PHLDB2: variants seen among roughly 807,000 people sequenced by gnomAD.
PHLDB2 encodes pleckstrin homology like domain family B member 2.
A neutral mutation model predicts 123.6 loss-of-function variants in PHLDB2; 71 were observed. The observed-to-expected ratio is 0.57, with a 90% CI of 0.47 to 0.70. The LOEUF is 0.70. PHLDB2 is among the 30% of genes least tolerant of loss of function. The pLI is 0.00. For missense variants in PHLDB2, 1,446 were observed against 1,519.5 expected (o/e 0.95, Z 0.80); for synonymous variants, 547 against 541.6 (o/e 1.01, Z -0.14).
At position 111,948,964 on chromosome 3, in the gene PHLDB2, G is replaced by A. The variant is rs369065786; in HGVS notation, c.2520G>A (p.Pro840=). 167 of 1,613,820 alleles carry A rather than the reference G, an allele frequency of 1.0e-4. No individual in the cohort carries two copies. Among genetic ancestry groups the A allele is most frequent in the African/African-American group, 1.6e-4 (12 of 74,890 alleles). Residue 840 remains proline, a synonymous_variant, in exon 10 of 18, where the codon CCG becomes CCA. Coordinates refer to ENST00000431670, the MANE Select transcript of PHLDB2 (RefSeq NM_001134438.2). ...GYISVNEINE[P]CGNSTNLSPS... is the part of the protein sequence containing the mutation. Reference sequence around the variant, plus strand: ...TCAGTGTAAATGAGATTAATGAGCCGTGTGGCAATTCCACGAATCTATCCC... The same window carrying A: ...TCAGTGTAAATGAGATTAATGAGCCATGTGGCAATTCCACGAATCTATCCC...
At chr3:111,828,444 T>C (rs1394921293) in intron 1 of PHLDB2, among the ~76,000 whole-genome samples, 1 of 152,198 alleles carries the variant, frequency 6.6e-6, no homozygotes, top group Non-Finnish European at 1.5e-5. Context: ...GAACACATAT[T>C]GAATGACATA....
At chr3:111,859,097 C>T (rs529192209), upstream of PHLDB2, 256 of 899,096 alleles carry the variant, frequency 2.8e-4, 1 homozygote, top group South Asian at 2.1e-3. Context: ...AACCTGCTTT[C>T]TGACGCAGCT....
intron 5 of PHLDB2, among the ~76,000 whole-genome samples, chr3:111,931,009 C>T (rs551577437): frequency 4.6e-5 from 7 of 152,194 alleles, no homozygotes; most frequent in East Asian, 3.9e-4. Context: ...ATCTTTTATA[C>T]GGAATCTATG....
At chr3:111,779,927 AT>A in intron 1 of PHLDB2, 1 of 911,652 alleles carries the variant, frequency 1.1e-6, no homozygotes, top group Non-Finnish European at 1.3e-6. Flanking sequence ...ACACTTGGCT[AT>A]TTATCACCCC....
At chr3:111,942,945 G>C (rs2070009897) in intron 8 of PHLDB2, among the ~76,000 whole-genome samples, 2 of 152,114 alleles carry the variant, frequency 1.3e-5, no homozygotes, top group South Asian at 4.2e-4. Flanking sequence ...ATTGTGACTA[G>C]AGGCTTGCAG....
At chr3:111,812,414 T>C (rs2061882388) in intron 1 of PHLDB2, among the ~76,000 whole-genome samples, 1 of 152,210 alleles carries the variant, frequency 6.6e-6, no homozygotes, top group Non-Finnish European at 1.5e-5. Flanking sequence ...AAACATATGA[T>C]GTCTGAATTA....
intron 1 of PHLDB2, among the ~76,000 whole-genome samples, chr3:111,800,027 CAG>C (rs2061321319): frequency 6.6e-6 from 1 of 151,894 alleles, no homozygotes. Flanking sequence ...TTTTTTGAGA[CAG>C]AGTCTTACTC....
chr3:111,901,095 C>G (rs926847615), intron 2 of PHLDB2, among the ~76,000 whole-genome samples: 1 of 152,078 alleles, frequency 6.6e-6, no homozygotes, highest in Non-Finnish European at 1.5e-5. Flanking sequence ...CTTGGTGGCT[C>G]ATGCCTGTCA....
intron 6 of PHLDB2, among the ~76,000 whole-genome samples, chr3:111,934,506 A>T (rs1242924149): frequency 6.6e-6 from 1 of 152,244 alleles, no homozygotes; most frequent in Admixed American, 6.5e-5. Flanking sequence ...AAAGAATAAG[A>T]AGAAAGTTAT....
rs2062956036 is a variant in PHLDB2, at chr3:111,830,957, G to GAGAGAGAAAGAA, written c.-48-14863_-48-14862insGAGAGAAAGAAA. The stretch of plus-strand genomic sequence containing the variant: ...AAGAAAAGAAGGAAAGAAAGAAAGA[G>GAGAGAGAAAGAA]AAAGAAAGAAAGAAAGAAAGAAAGA... On this transcript the variant is annotated intron_variant, in intron 1 of 17. Coordinates refer to the PHLDB2 transcript ENST00000393923. Among the ~76,000 whole-genome samples the GAGAGAGAAAGAA allele has an allele frequency of 7.3e-5, 2 of 27,434 alleles. 1 individual carries two copies. Among genetic ancestry groups the GAGAGAGAAAGAA allele is most frequent in the Non-Finnish European group, 1.4e-4 (2 of 13,992 alleles). 18.0% of individuals were successfully genotyped at this position (27,434 alleles called of 152,430 possible). A position where few individuals can be genotyped will look rare whatever the true frequency, so the allele number is the denominator to read the frequency against.
chr3:111,937,697 T>C (rs943421268), intron 6 of PHLDB2, among the ~76,000 whole-genome samples: 2 of 150,782 alleles, frequency 1.3e-5, no homozygotes, highest in Non-Finnish European at 3.0e-5. Context: ...GATTGCTTGA[T>C]CCTGGGAGGT....
Position 111,973,133 on chromosome 3 carries a change from T to C in PHLDB2, c.3536-599T>C, listed in dbSNP as rs149333556. On this transcript the variant is annotated intron_variant, in intron 16 of 17. Transcript: ENST00000431670. ...TTGAGTCATGTTTTGGTTGTTTTTG[T>C]TTTGCTTTGTTTTTATGGTAAATGT... 3.3e-5 allele frequency among the ~76,000 whole-genome samples: 5 copies of C among 152,342 alleles called. No individual in the cohort carries two copies. The East Asian group carries it at 9.6e-4, about 29-fold the overall frequency.
At chr3:111,836,897 G>T (rs1559859950) in intron 1 of PHLDB2, among the ~76,000 whole-genome samples, 1 of 152,106 alleles carries the variant, frequency 6.6e-6, no homozygotes, top group African/African-American at 2.4e-5. Context: ...ATGACAATTC[G>T]AGATGAGATT....
At chr3:111,913,167 G>A (rs532691103) in intron 2 of PHLDB2, 152 bp from the exon 3 acceptor site, 271 of 933,996 alleles carry the variant, frequency 2.9e-4, no homozygotes, top group African/African-American at 2.0e-3. Flanking sequence ...AAATGCATCC[G>A]TCAAAGATTA....
At chr3:111,948,423 G>T (rs2070463875) in intron 9 of PHLDB2, among the ~76,000 whole-genome samples, 1 of 152,154 alleles carries the variant, frequency 6.6e-6, no homozygotes, top group South Asian at 2.1e-4. Context: ...TTTTCTTAGT[G>T]TAAAACCCAG....
At chr3:111,959,895 G>A (rs1042197780) in intron 12 of PHLDB2, among the ~76,000 whole-genome samples, 1 of 152,214 alleles carries the variant, frequency 6.6e-6, no homozygotes, top group Non-Finnish European at 1.5e-5. Context: ...GAGAGGAAGA[G>A]GTTGTGGCAA....
chr3:111,771,815 G>A (rs994669149), intron 1 of PHLDB2, among the ~76,000 whole-genome samples: 2 of 152,150 alleles, frequency 1.3e-5, no homozygotes, highest in Non-Finnish European at 2.9e-5. Context: ...GGTACTGGAG[G>A]TTAGGACTTC....
chr3:111,764,780 C>T (rs1348237711), intron 1 of PHLDB2, among the ~76,000 whole-genome samples: 1 of 152,150 alleles, frequency 6.6e-6, no homozygotes, highest in South Asian at 2.1e-4. Context: ...ATGGTTGCCT[C>T]CTGGAGTTGT....
intron 1 of PHLDB2, among the ~76,000 whole-genome samples, chr3:111,880,177 A>C (rs1465118698): frequency 6.6e-6 from 1 of 151,966 alleles, no homozygotes; most frequent in Admixed American, 6.6e-5. Context: ...ATAGGGTAAT[A>C]CTTCCAGGCT....
Sources: gnomAD v4.1 joint callset for allele counts (sites outside exome capture counted in the v4.1 genomes callset) on GRCh38, gnomAD v4.1.1 for gene constraint, MANE v1.5 for transcripts, NCBI Gene and HGNC (gene_info 2026-07-23, HGNC 2026-07-21) for gene names.